EMCN: variants seen among roughly 807,000 people sequenced by gnomAD.
The protein encoded by EMCN is MUC-14.
EMCN carries 37 observed loss-of-function variants against 38.4 expected under a neutral mutation model. That is an observed-to-expected ratio of 0.96 (90% CI 0.74 to 1.27). The LOEUF is 1.27. EMCN is among the 50% of genes most tolerant of loss of function. The pLI is 0.00. For synonymous variants in EMCN, 95 were observed against 100.8 expected (o/e 0.94, Z 0.35); for missense variants, 318 against 302.8 (o/e 1.05, Z -0.37).
chr4:100,459,558 A>T (rs1466248352), intron 4 of EMCN, among the ~76,000 whole-genome samples: 1 of 152,082 alleles, frequency 6.6e-6, no homozygotes, highest in East Asian at 1.9e-4. Context: ...TTTGACCAAC[A>T]TCTTCTCATT....
At chr4:100,488,948 A>G (rs1287815888) in intron 1 of EMCN, among the ~76,000 whole-genome samples, 1 of 152,196 alleles carries the variant, frequency 6.6e-6, no homozygotes, top group Non-Finnish European at 1.5e-5. Flanking sequence ...TGTAACTTAA[A>G]TGACTGGCAT....
chr4:100,470,366 T>C (rs1049423391), intron 3 of EMCN, among the ~76,000 whole-genome samples: 7 of 114,746 alleles, frequency 6.1e-5, no homozygotes, highest in African/African-American at 1.8e-4. Flanking sequence ...AGAATGGCTA[T>C]TACTAAAATG....
At chr4:100,517,245 T>A (rs1398250624) in intron 1 of EMCN, among the ~76,000 whole-genome samples, 1 of 152,092 alleles carries the variant, frequency 6.6e-6, no homozygotes, top group Non-Finnish European at 1.5e-5. Flanking sequence ...TATAAATTCC[T>A]GAAATGTTAT....
At chr4:100,495,860 T>G (rs1334617847) in intron 1 of EMCN, among the ~76,000 whole-genome samples, 1 of 152,112 alleles carries the variant, frequency 6.6e-6, no homozygotes, top group Non-Finnish European at 1.5e-5. Flanking sequence ...TAAGTAAATT[T>G]ATTCTTGAAT....
intron 11 of EMCN, among the ~76,000 whole-genome samples, chr4:100,399,621 G>A (rs1339574647): frequency 5.3e-5 from 8 of 152,108 alleles, no homozygotes; most frequent in Non-Finnish European, 1.0e-4. Context: ...CCAGAGCATG[G>A]TATAGCTTAA....
In EMCN at chr4:100,434,975, A is replaced by AT. The variant is rs558323253; in HGVS notation, c.416-11572dup. Among the ~76,000 whole-genome samples the AT allele has an allele frequency of 3.3e-5, 5 of 152,288 alleles. No homozygotes were observed. The East Asian group carries it at 9.6e-4, about 29-fold the overall frequency. ...CCTTGAAAACCAGCACAAGACAAGG[A>AT]TCCCCTCTTTTACCACTCCTATTCA... On this transcript the variant is annotated intron_variant, in intron 5 of 11. Transcript: ENST00000296420.
chr4:100,510,879 A>G (rs1578241142), intron 1 of EMCN, among the ~76,000 whole-genome samples: 2 of 152,146 alleles, frequency 1.3e-5, no homozygotes, highest in East Asian at 3.8e-4. Flanking sequence ...AGCTTCACTG[A>G]CATTTATAGC....
At chr4:100,478,568 G>A (rs1018285091) in intron 2 of EMCN, among the ~76,000 whole-genome samples, 3 of 152,074 alleles carry the variant, frequency 2.0e-5, no homozygotes, top group Non-Finnish European at 2.9e-5. Flanking sequence ...AAGAAGGCAG[G>A]AAGGGGAAAT....
intron 11 of EMCN, among the ~76,000 whole-genome samples, chr4:100,406,309 C>T (rs1308222386): frequency 1.3e-5 from 2 of 151,758 alleles, no homozygotes; most frequent in East Asian, 3.9e-4. Context: ...TGTTTAGTTC[C>T]TCTAGGTGTG....
chr4:100,462,578 T>C lies in EMCN; in HGVS notation c.376+2845A>G, dbSNP rs536932857. On this transcript the variant is annotated intron_variant, in intron 4 of 11. Transcript: ENST00000296420. ...GCTATACACTTTGCAGATATATATA[T>C]AGTAGTTTTATTTTTATATTATAGG... Among the ~76,000 whole-genome samples the C allele has an allele frequency of 3.0e-4, 46 of 152,260 alleles. No individual in the cohort carries two copies. The South Asian group carries it at 9.1e-3, about 30-fold the overall frequency.
chr4:100,461,186 C>G (rs1482931333), intron 4 of EMCN, among the ~76,000 whole-genome samples: 1 of 152,156 alleles, frequency 6.6e-6, no homozygotes, highest in African/African-American at 2.4e-5. Context: ...TGTATTTCCT[C>G]TTTGAATTCT....
Position 100,472,480 on chromosome 4 carries a change from G to C in EMCN, c.259+2558C>G, listed in dbSNP as rs114837599. On this transcript the variant is annotated intron_variant, in intron 3 of 11. Transcript: ENST00000296420. ...TAAATTGAAGAAGACATTGATAAAC[G>C]GAAAGACATCCTATGCTCATGAATT... is the stretch of plus-strand genomic sequence containing the variant. 4.0e-3 allele frequency among the ~76,000 whole-genome samples: 604 copies of C among 152,038 alleles called. 3 individuals are homozygous for C. The highest frequency in any genetic ancestry group is 6.8e-3 in the Non-Finnish European group (460 of 67,938).
intron 5 of EMCN, among the ~76,000 whole-genome samples, chr4:100,438,302 C>G (rs939784129): frequency 6.6e-6 from 1 of 151,914 alleles, no homozygotes; most frequent in African/African-American, 2.4e-5. Flanking sequence ...ACATTTTCAA[C>G]GTATGATGGG....
At chr4:100,482,725 G>T (rs1475229013) in intron 1 of EMCN, among the ~76,000 whole-genome samples, 1 of 152,142 alleles carries the variant, frequency 6.6e-6, no homozygotes, top group Non-Finnish European at 1.5e-5. Flanking sequence ...CATGGAAAGT[G>T]ACCAAACAGA....
At position 100,454,061 on chromosome 4, in the gene EMCN, A is replaced by T. The variant is rs560089314; in HGVS notation, c.377-6490T>A. Among the ~76,000 whole-genome samples the T allele has an allele frequency of 6.2e-3, 935 of 151,856 alleles. 12 individuals are homozygous for T. The highest frequency in any genetic ancestry group is 0.021 in the African/African-American group (862 of 41,364). On this transcript the variant is annotated intron_variant, in intron 4 of 11. Transcript: ENST00000296420. ...GGGGAGAGGGATAGCATTGGGAGAT[A>T]TACCTAATGCTAAATGACGAGTTAA...
At chr4:100,399,046 C>A (rs1011302216) in intron 11 of EMCN, among the ~76,000 whole-genome samples, 2 of 152,292 alleles carry the variant, frequency 1.3e-5, no homozygotes, top group East Asian at 1.9e-4. Flanking sequence ...AACTTTAAAG[C>A]TTTGCTGCTT....
chr4:100,511,671 A>C (rs1729627809), intron 1 of EMCN, among the ~76,000 whole-genome samples: 1 of 152,202 alleles, frequency 6.6e-6, no homozygotes. Context: ...ATGAAAAGGA[A>C]GAAGGGTAGT....
At chr4:100,477,069 T>C (rs1360683482) in intron 2 of EMCN, among the ~76,000 whole-genome samples, 1 of 152,168 alleles carries the variant, frequency 6.6e-6, no homozygotes, top group Non-Finnish European at 1.5e-5. Context: ...GTGAGATAGG[T>C]GGCCAAAAGC....
chr4:100,464,510 A>G (rs928341610), intron 4 of EMCN, among the ~76,000 whole-genome samples: 5 of 152,088 alleles, frequency 3.3e-5, no homozygotes, highest in African/African-American at 4.8e-5. Flanking sequence ...ATTATTAGGT[A>G]TGATGTTAGC....
Sources: gnomAD v4.1 joint callset for allele counts (sites outside exome capture counted in the v4.1 genomes callset) on GRCh38, gnomAD v4.1.1 for gene constraint, MANE v1.5 for transcripts, NCBI Gene and HGNC (gene_info 2026-07-23, HGNC 2026-07-21) for gene names.